Variants in TMOD3 observed in about 807,000 individuals in gnomAD.
TMOD3 encodes the protein tropomodulin 3.
Under a neutral mutation model 39.2 loss-of-function variants are expected in TMOD3, and 20 were observed. The observed-to-expected ratio is 0.51, with a 90% CI of 0.36 to 0.74. TMOD3 has a LOEUF of 0.74. Ranked by LOEUF, TMOD3 falls within the 30% of genes least tolerant of loss-of-function variation. The pLI is 0.00. For synonymous variants in TMOD3, 143 were observed against 145.8 expected (o/e 0.98, Z 0.14); for missense variants, 381 against 412.8 (o/e 0.92, Z 0.67).
chr15:51,871,992 T>A (rs2141690981), intron 3 of TMOD3, among the ~76,000 whole-genome samples: 1 of 152,260 alleles, frequency 6.6e-6, no homozygotes, highest in East Asian at 1.9e-4. Context: ...GATGATAGCT[T>A]TTTTTTAATA....
At chr15:51,846,003 T>G (rs2056333606) in intron 1 of TMOD3, among the ~76,000 whole-genome samples, 1 of 151,894 alleles carries the variant, frequency 6.6e-6, no homozygotes, top group Non-Finnish European at 1.5e-5. Flanking sequence ...AGACTGAAGA[T>G]TTTTCCATTA....
chr15:51,883,253 T>C (rs912139814), intron 3 of TMOD3, among the ~76,000 whole-genome samples: 2 of 152,186 alleles, frequency 1.3e-5, no homozygotes, highest in African/African-American at 4.8e-5. Flanking sequence ...TTTTGCCTTA[T>C]TGATTTTTCT....
chr15:51,841,828 G>A (rs2056314068), intron 1 of TMOD3, among the ~76,000 whole-genome samples: 1 of 152,136 alleles, frequency 6.6e-6, no homozygotes, highest in African/African-American at 2.4e-5. Context: ...GGAGTGCGGT[G>A]GCACGATCTT....
intron 6 of TMOD3, among the ~76,000 whole-genome samples, chr15:51,895,216 CT>C (rs974778013): frequency 0.04 from 5,490 of 138,100 alleles, 306 homozygotes; most frequent in African/African-American, 0.13. Flanking sequence ...TGATTACTAA[CT>C]TTTTTTTTTT....
chr15:51,906,810 C>T (rs1895863), intron 9 of TMOD3, among the ~76,000 whole-genome samples: 26,543 of 151,968 alleles, frequency 0.17, 3,256 homozygotes, highest in East Asian at 0.55. Context: ...CACCTGAGGT[C>T]AGGAGTTCGA....
chr15:51,842,287 A>G (rs1259488354), intron 1 of TMOD3, among the ~76,000 whole-genome samples: 1 of 152,206 alleles, frequency 6.6e-6, no homozygotes, highest in Non-Finnish European at 1.5e-5. Context: ...CTGCTTCTCC[A>G]TAGGCGAATA....
chr15:51,865,953 T>C (rs954772083), intron 2 of TMOD3, among the ~76,000 whole-genome samples: 23 of 151,928 alleles, frequency 1.5e-4, no homozygotes, highest in Non-Finnish European at 2.6e-4. Flanking sequence ...GAGCTTTTTT[T>C]CCCCCCCAAG....
chr15:51,840,788 G>A (rs1051097588), intron 1 of TMOD3, among the ~76,000 whole-genome samples: 2 of 152,096 alleles, frequency 1.3e-5, no homozygotes, highest in Non-Finnish European at 1.5e-5. Context: ...GATTGTTGAC[G>A]TTTATAGGCT....
chr15:51,859,946 A>C (rs2056408480), intron 1 of TMOD3: 1 of 546,328 alleles, frequency 1.8e-6, no homozygotes, highest in Non-Finnish European at 3.7e-6. Context: ...CCCTCTGAGG[A>C]ACCCACTATT....
At position 51,894,502 on chromosome 15, in the gene TMOD3, C is replaced by T. The variant is rs2056611204; in HGVS notation, c.627+557C>T. 2.0e-5 allele frequency among the ~76,000 whole-genome samples: 3 copies of T among 152,224 alleles called. No individual in the cohort carries two copies. In the South Asian group the frequency reaches 6.2e-4, roughly 32 times the overall value. ...TTTGACAGGTGCATACAATTTTGTA[C>T]AACCACCATTACACTCAAGATATAG... On this transcript the variant is annotated intron_variant, in intron 6 of 9. Coordinates refer to ENST00000308580, the MANE Select transcript of TMOD3 (RefSeq NM_014547.5).
chr15:51,832,807 A>G (rs1055603258), intron 1 of TMOD3, among the ~76,000 whole-genome samples: 1 of 152,212 alleles, frequency 6.6e-6, no homozygotes, highest in African/African-American at 2.4e-5. Context: ...GAGGAAAAAA[A>G]GGCTTTTAGT....
intron 5 of TMOD3, 62 bp downstream of exon 5, chr15:51,889,207 T>G: frequency 8.8e-7 from 1 of 1,136,012 alleles, no homozygotes; most frequent in Non-Finnish European, 1.3e-6. Context: ...GTTTTCGCCT[T>G]GTGTCAGCTT....
intron 5 of TMOD3, 87 bp downstream of exon 5, chr15:51,889,232 T>C (rs1434644554): frequency 1.2e-6 from 1 of 811,744 alleles, no homozygotes; most frequent in South Asian, 1.5e-5. Context: ...GTTCACATAC[T>C]AGATGTTATA....
intron 9 of TMOD3, among the ~76,000 whole-genome samples, chr15:51,905,950 CAAAAAAAAAAAAAA>C (rs869172248): frequency 0.018 from 1,178 of 64,808 alleles, 24 homozygotes; most frequent in African/African-American, 0.067. Context: ...GACTCCGTCT[CAAAAAAAAAAAAAA>C]AAAAAAAAAA....
At chr15:51,876,774 T>TA (rs201348584) in intron 3 of TMOD3, among the ~76,000 whole-genome samples, 36 of 149,600 alleles carry the variant, frequency 2.4e-4, no homozygotes, top group South Asian at 4.2e-4. Context: ...GCGCTTTTTT[T>TA]AAAAAAAAAA....
intron 6 of TMOD3, among the ~76,000 whole-genome samples, chr15:51,894,457 T>C (rs1438657788): frequency 6.6e-6 from 1 of 152,188 alleles, no homozygotes; most frequent in Non-Finnish European, 1.5e-5. Flanking sequence ...TTCTCCCTTT[T>C]AGTGTCCAGT....
At chr15:51,859,494 G>C in intron 1 of TMOD3, 1 of 650,104 alleles carries the variant, frequency 1.5e-6, no homozygotes, top group Non-Finnish European at 2.9e-6. Context: ...TTTATACACA[G>C]CTCTGGCTTT....
rs1286780618 is a variant in TMOD3 at position 51,902,642 on chromosome 15, G to GTTTTTTTTTTTTT, written c.1024+607_1024+608insTTTTTTTTTTTTT. Among the ~76,000 whole-genome samples, 3 of 63,354 alleles carry GTTTTTTTTTTTTT rather than the reference G, an allele frequency of 4.7e-5. 1 individual carries two copies. The highest frequency in any genetic ancestry group is 2.9e-5 in the Non-Finnish European group (1 of 34,240). The allele number at this position is 63,354 out of a possible 152,430, so 41.6% of individuals were successfully genotyped here. ...TGCGCGCCGTGCCCAGCTAATTTTT[G>GTTTTTTTTTTTTT]TATTTTTTTTTTTTTTTTTTTTTTT... On this transcript the variant is annotated intron_variant, in intron 9 of 9. Transcript: ENST00000308580.
At chr15:51,853,825 C>T (rs1029366393) in intron 1 of TMOD3, among the ~76,000 whole-genome samples, 2 of 150,502 alleles carry the variant, frequency 1.3e-5, no homozygotes, top group Admixed American at 6.6e-5. Context: ...ATGGCAACAT[C>T]ATTAAGGAAA....
Sources: gnomAD v4.1 joint callset for allele counts (sites outside exome capture counted in the v4.1 genomes callset) on GRCh38, gnomAD v4.1.1 for gene constraint, MANE v1.5 for transcripts, NCBI Gene and HGNC (gene_info 2026-07-23, HGNC 2026-07-21) for gene names.